C8orf34: variants seen among roughly 807,000 people sequenced by gnomAD.
C8orf34 encodes the protein chromosome 8 open reading frame 34, also known as uncharacterized protein C8orf34.
C8orf34 carries 65 observed loss-of-function variants against 68.3 expected under a neutral mutation model. That is an observed-to-expected ratio of 0.95 (90% CI 0.78 to 1.17). C8orf34 has a LOEUF of 1.17. Among genes scored for constraint, C8orf34 ranks in the 50% most tolerant of loss-of-function variants. C8orf34 has a pLI of 0.00. For synonymous variants in C8orf34, 244 were observed against 241.2 expected (o/e 1.01, Z -0.11); for missense variants, 664 against 655.4 (o/e 1.01, Z -0.14).
chr8:68,633,646 A>G (rs143639163), intron 7 of C8orf34, among the ~76,000 whole-genome samples: 7 of 152,264 alleles, frequency 4.6e-5, no homozygotes, highest in African/African-American at 1.7e-4. Context: ...AACAAACTAA[A>G]TTTTTATCTA....
intron 10 of C8orf34, among the ~76,000 whole-genome samples, chr8:68,722,535 C>G (rs941289390): frequency 6.6e-6 from 1 of 152,050 alleles, no homozygotes; most frequent in Non-Finnish European, 1.5e-5. Flanking sequence ...TTTAAAATTA[C>G]TGACAAAATC....
chr8:68,399,423 T>C (rs1325718022), intron 1 of C8orf34, among the ~76,000 whole-genome samples: 4 of 152,160 alleles, frequency 2.6e-5, no homozygotes, highest in Non-Finnish European at 5.9e-5. Flanking sequence ...TTTCTCTTTC[T>C]GTTTCTGAGT....
chr8:68,357,291 T>G (rs1030963853), intron 1 of C8orf34, among the ~76,000 whole-genome samples: 2 of 152,152 alleles, frequency 1.3e-5, no homozygotes, highest in Non-Finnish European at 2.9e-5. Context: ...GCAATAATGT[T>G]AAGTAGGTGA....
At chr8:68,502,998 T>C (rs561021078) in intron 5 of C8orf34, among the ~76,000 whole-genome samples, 1 of 152,272 alleles carries the variant, frequency 6.6e-6, no homozygotes, top group African/African-American at 2.4e-5. Flanking sequence ...AAATACAGAC[T>C]GTGGAAAACT....
intron 7 of C8orf34, among the ~76,000 whole-genome samples, chr8:68,577,234 C>T (rs1333190298): frequency 6.6e-6 from 1 of 151,862 alleles, no homozygotes; most frequent in East Asian, 1.9e-4. Context: ...CACATTGAAC[C>T]AAAACTAGCA....
At chr8:68,628,226 G>A (rs1240945199) in intron 7 of C8orf34, among the ~76,000 whole-genome samples, 1 of 152,032 alleles carries the variant, frequency 6.6e-6, no homozygotes, top group South Asian at 2.1e-4. Context: ...TTTCTGACAT[G>A]TATTTTGTTC....
chr8:68,475,935 A>G (rs1812597042), intron 4 of C8orf34, among the ~76,000 whole-genome samples: 1 of 152,218 alleles, frequency 6.6e-6, no homozygotes, highest in Non-Finnish European at 1.5e-5. Context: ...AAGAGAGCCC[A>G]GCTGCTGGGG....
chr8:68,646,373 G>T (rs1288617527), intron 8 of C8orf34, among the ~76,000 whole-genome samples: 1 of 151,666 alleles, frequency 6.6e-6, no homozygotes, highest in African/African-American at 2.4e-5. Context: ...TATTTATGGG[G>T]TACAATATGA....
chr8:68,781,826 A>G (rs994587724), intron 11 of C8orf34, among the ~76,000 whole-genome samples: 3 of 152,206 alleles, frequency 2.0e-5, no homozygotes, highest in East Asian at 1.9e-4. Flanking sequence ...CCCAAACTAC[A>G]TATTTTACCA....
intron 8 of C8orf34, among the ~76,000 whole-genome samples, chr8:68,657,721 A>G (rs1275510003): frequency 6.6e-6 from 1 of 152,222 alleles, no homozygotes; most frequent in African/African-American, 2.4e-5. Context: ...AAAAGGCAAC[A>G]ACATATCTGT....
chr8:68,478,246 G>T (rs558005325), intron 4 of C8orf34, among the ~76,000 whole-genome samples: 103 of 151,862 alleles, frequency 6.8e-4, no homozygotes, highest in African/African-American at 2.3e-3. Context: ...CCACAGATCT[G>T]CCCTAGAGAT....
Position 68,468,738 on chromosome 8 carries a change from A to C in C8orf34, c.654A>C (p.Pro218=). The C allele has an allele frequency of 2.5e-6, 4 of 1,612,966 alleles. No individual in the cohort carries two copies. The South Asian group carries it at 4.4e-5, about 18-fold the overall frequency. The change falls in exon 4 of 14, where the codon CCA becomes CCC. Residue 218 remains proline (P), a synonymous_variant. Coordinates refer to ENST00000518698, the MANE Select transcript of C8orf34 (RefSeq NM_052958.4). Reference sequence around the variant, plus strand: ...CAAAGTGGAACTGGAGGACTAAACCACAAAGCCGTGATTTTGATGAATTGA... The same window carrying C: ...CAAAGTGGAACTGGAGGACTAAACCCCAAAGCCGTGATTTTGATGAATTGA... ...EHPKWNWRTK[P]QSRDFDELNH...
At chr8:68,529,838 G>A (rs1815171439) in intron 6 of C8orf34, among the ~76,000 whole-genome samples, 1 of 151,960 alleles carries the variant, frequency 6.6e-6, no homozygotes, top group Non-Finnish European at 1.5e-5. Flanking sequence ...AACATTTCAA[G>A]ATACAGTATA....
At chr8:68,798,288 C>CTT (rs10690187) in intron 12 of C8orf34, among the ~76,000 whole-genome samples, 35,687 of 124,616 alleles carry the variant, frequency 0.29, 5,741 homozygotes, top group African/African-American at 0.43. Flanking sequence ...TTATGTCTGG[C>CTT]TTTTTTTTTT....
intron 4 of C8orf34, among the ~76,000 whole-genome samples, chr8:68,483,046 G>A (rs1236314311): frequency 6.6e-6 from 1 of 151,992 alleles, no homozygotes; most frequent in Non-Finnish European, 1.5e-5. Flanking sequence ...TATATGAATC[G>A]AACCTACTTT....
chr8:68,439,044 A>C (rs1810785933), intron 1 of C8orf34: 1 of 152,242 alleles, frequency 6.6e-6, no homozygotes, highest in Non-Finnish European at 1.5e-5. Flanking sequence ...ATTCCAATAA[A>C]ATTTTCTTCA....
Position 68,465,996 on chromosome 8 carries a change from A to G in C8orf34, c.608-2696A>G, listed in dbSNP as rs1410656969. Among the ~76,000 whole-genome samples, 4 of 150,828 alleles carry G rather than the reference A, an allele frequency of 2.7e-5. No homozygotes were observed. The East Asian group carries it at 7.8e-4, about 29-fold the overall frequency. On this transcript the variant is annotated intron_variant, in intron 3 of 13. Coordinates refer to ENST00000518698, the MANE Select transcript of C8orf34 (RefSeq NM_052958.4). ...TAAAATAAGAAATTCTAATAAAAAA[A>G]GAAAATTTGGTGCGTATACACAATG...
chr8:68,583,975 T>C (rs1817137327), intron 7 of C8orf34, among the ~76,000 whole-genome samples: 1 of 152,124 alleles, frequency 6.6e-6, no homozygotes, highest in African/African-American at 2.4e-5. Flanking sequence ...CAAAAAAGTC[T>C]GGTTATATCT....
intron 7 of C8orf34, among the ~76,000 whole-genome samples, chr8:68,635,596 A>T (rs1267145761): frequency 6.6e-6 from 1 of 152,232 alleles, no homozygotes; most frequent in Non-Finnish European, 1.5e-5. Flanking sequence ...TATGATGAGA[A>T]GGTATGGGAA....
Sources: allele counts gnomAD v4.1 joint callset (sites outside exome capture counted in the v4.1 genomes callset), GRCh38; gene constraint gnomAD v4.1.1; transcripts MANE v1.5; gene names NCBI Gene and HGNC (gene_info 2026-07-23, HGNC 2026-07-21).